Variants in NLRP4 observed in about 807,000 individuals in gnomAD.
NLRP4 encodes NACHT, LRR and PYD domains-containing protein 4.
NLRP4 carries 44 observed loss-of-function variants against 84.7 expected under a neutral mutation model. That is an observed-to-expected ratio of 0.52 (90% CI 0.41 to 0.67). NLRP4 has a LOEUF of 0.67. NLRP4 is among the 30% of genes least tolerant of loss of function. NLRP4 has a pLI of 0.00. For missense variants in NLRP4, 1,260 were observed against 1,219.4 expected (o/e 1.03, Z -0.50); for synonymous variants, 544 against 476.4 (o/e 1.14, Z -1.85).
chr19:55,854,780 A>C (rs1280299940), intron 2 of NLRP4, among the ~76,000 whole-genome samples: 2 of 152,030 alleles, frequency 1.3e-5, no homozygotes, highest in Admixed American at 6.6e-5. Context: ...GTAAAGTAGC[A>C]TGATTTTGGC....
intron 1 of NLRP4, among the ~76,000 whole-genome samples, chr19:55,847,154 A>AGGG (rs148650884): frequency 1.4e-5 from 2 of 147,060 alleles, no homozygotes; most frequent in Non-Finnish European, 2.9e-5. Flanking sequence ...ATTTTATTTG[A>AGGG]GGGGGGGGCA....
intron 1 of NLRP4, among the ~76,000 whole-genome samples, chr19:55,841,890 C>T (rs1442687673): frequency 6.6e-6 from 1 of 152,048 alleles, no homozygotes; most frequent in African/African-American, 2.4e-5. Flanking sequence ...CTGCAATAGA[C>T]ATGGAAGTAA....
intron 9 of NLRP4, among the ~76,000 whole-genome samples, chr19:55,879,972 T>A (rs1306772382): frequency 6.6e-6 from 1 of 151,934 alleles, no homozygotes. Context: ...ATATTTATAA[T>A]TACATATAAT....
At chr19:55,861,238 C>T (rs749055437) in intron 3 of NLRP4, 148 bp from the exon 4 acceptor site, 1 of 645,688 alleles carries the variant, frequency 1.5e-6, no homozygotes, top group Non-Finnish European at 2.6e-6. Flanking sequence ...CATAAGGTGA[C>T]TTACCTGAAG....
At position 55,877,131 on chromosome 19, in the gene NLRP4, T is replaced by G. The variant is rs1426271612; in HGVS notation, c.2661T>G (p.Ala887=). 1 of 1,614,118 alleles carries G rather than the reference T, an allele frequency of 6.2e-7. No homozygotes were observed. The change falls in exon 8 of 10, where the codon GCT becomes GCG. Residue 887 remains alanine, a synonymous_variant. Transcript: ENST00000301295. ...TGGGTGTGCAGCTGTTGTGTCGGGC[T>G]CTGACGCATACGGATTGCCGCTTAG... ...GDVGVQLLCR[A]LTHTDCRLEI...
intron 2 of NLRP4, among the ~76,000 whole-genome samples, chr19:55,857,209 G>C (rs1468306466): frequency 6.6e-6 from 1 of 152,108 alleles, no homozygotes. Flanking sequence ...GAATACCTGT[G>C]TATGTGTCTA....
chr19:55,840,615 G>T (rs1053350457), intron 1 of NLRP4, among the ~76,000 whole-genome samples: 6 of 152,114 alleles, frequency 3.9e-5, no homozygotes, highest in African/African-American at 1.4e-4. Context: ...AGCCAGGCTG[G>T]TCTAGATCTC....
intron 1 of NLRP4, among the ~76,000 whole-genome samples, chr19:55,842,755 CTTTTTATTTTA>C (rs1319837108): frequency 1.3e-5 from 2 of 151,068 alleles, no homozygotes; most frequent in Admixed American, 6.6e-5. Flanking sequence ...ACTTTTATTT[CTTTTTATTTTA>C]TTTTTATTTT....
At chr19:55,851,804 T>C (rs896257444) in intron 1 of NLRP4, among the ~76,000 whole-genome samples, 2 of 152,190 alleles carry the variant, frequency 1.3e-5, no homozygotes, top group South Asian at 2.1e-4. Flanking sequence ...CAGGTGACTA[T>C]AGGATTCTTG....
intron 7 of NLRP4, among the ~76,000 whole-genome samples, chr19:55,873,783 T>C (rs1367628956): frequency 6.6e-6 from 1 of 152,190 alleles, no homozygotes; most frequent in African/African-American, 2.4e-5. Context: ...TCCTACTCAG[T>C]TGAACTTTAA....
intron 1 of NLRP4, among the ~76,000 whole-genome samples, chr19:55,846,624 A>C (rs1349537989): frequency 6.6e-6 from 1 of 152,064 alleles, no homozygotes; most frequent in Non-Finnish European, 1.5e-5. Flanking sequence ...ATCACTAACT[A>C]TTTGCCCAAA....
At chr19:55,867,593 GCAGTGAGCCTCTCAAGGA>G (rs879107703) in intron 5 of NLRP4, 98 bp from the exon 6 acceptor site, 3 of 844,268 alleles carry the variant, frequency 3.6e-6, no homozygotes, top group South Asian at 1.6e-5. Flanking sequence ...GGGTTGGGAG[GCAGTGAGCCTCTCAAGGA>G]CAGCAAATGT....
intron 1 of NLRP4, among the ~76,000 whole-genome samples, chr19:55,841,188 T>C (rs1983601013): frequency 2.0e-5 from 3 of 152,218 alleles, no homozygotes; most frequent in Non-Finnish European, 4.4e-5. Context: ...CACACTGTTA[T>C]TTGCTTTAGT....
chr19:55,838,035 C>CCAAAAAAAAAAAAAAAAAAAAGGAA (rs59078329), intron 1 of NLRP4, among the ~76,000 whole-genome samples: 4 of 132,652 alleles, frequency 3.0e-5, no homozygotes, highest in African/African-American at 1.2e-4. Flanking sequence ...GACTCGGTCT[C>CCAAAAAAAAAAAAAAAAAAAAGGAA]AAGCTGGATG....
intron 7 of NLRP4, among the ~76,000 whole-genome samples, chr19:55,873,057 C>T (rs1279720984): frequency 1.3e-5 from 2 of 151,986 alleles, no homozygotes; most frequent in Admixed American, 6.6e-5. Context: ...TCTATAGCCA[C>T]CAAAAACTAT....
At chr19:55,879,895 G>A (rs1985521557) in intron 9 of NLRP4, among the ~76,000 whole-genome samples, 2 of 148,676 alleles carry the variant, frequency 1.3e-5, no homozygotes, top group South Asian at 4.3e-4. Flanking sequence ...CAAGTTATAT[G>A]TATATTCATA....
rs1479229931 is a variant in NLRP4, at chr19:55,858,479, C to T, written c.1086C>T (p.Ala362=). 1 of 1,614,066 alleles carries T rather than the reference C, an allele frequency of 6.2e-7. No homozygotes were observed. Among genetic ancestry groups the T allele is most frequent in the Non-Finnish European group, 8.5e-7 (1 of 1,180,028 alleles). ...KQEMQKGKDL[A]LTCQSTTSVY... is the part of the protein sequence containing the mutation. ...AGATGCAGAAAGGAAAAGACCTGGC[C>T]CTGACCTGCCAGAGCACTACCTCTG... Residue 362 remains alanine, a synonymous_variant, in exon 3 of 10, where the codon GCC becomes GCT. Coordinates refer to ENST00000301295, the MANE Select transcript of NLRP4 (RefSeq NM_134444.5). This position sits in a 1 kb window ranked among gnomAD's most constrained non-coding sequence, Gnocchi z 4.2.
At position 55,858,437 on chromosome 19, in the gene NLRP4, TA is replaced by T; in HGVS notation, c.1045del (p.Thr349ProfsTer3). ...TCCCGCTCCTCTGCTGGATCCTGTG[TA>T]CCAGTCTGAAGCAAGAGATGCAGAA... ...QIPLLCWILCTSLKQEMQKGK... is the reference protein window; with the variant it reads ...QIPLLCWILCXSLKQEMQKGK... On this transcript the variant is annotated frameshift_variant, in exon 3 of 10. Transcript: ENST00000301295. LOFTEE classifies it high-confidence loss of function. This position sits in a 1 kb window ranked among gnomAD's most constrained non-coding sequence, Gnocchi z 4.2. 6.2e-7 allele frequency: 1 copy of T among 1,614,164 alleles called. No individual in the cohort carries two copies. The highest frequency in any genetic ancestry group is 8.5e-7 in the Non-Finnish European group (1 of 1,180,032).
rs112836111 is a variant in NLRP4 at position 55,870,454 on chromosome 19, G to A, written c.2355-373G>A. On this transcript the variant is annotated intron_variant, in intron 6 of 9. Transcript: ENST00000301295. ...GAGGTGGGCAGATCACCTGAGGTCC[G>A]GAGTTCGAGACTAGCCTGGCTAACA... is the stretch of plus-strand genomic sequence containing the variant. 6.5e-3 allele frequency among the ~76,000 whole-genome samples: 996 copies of A among 152,260 alleles called. 14 individuals are homozygous for A. Among genetic ancestry groups the A allele is most frequent in the African/African-American group, 0.021 (879 of 41,546 alleles).
Sources: allele counts gnomAD v4.1 joint callset (sites outside exome capture counted in the v4.1 genomes callset), GRCh38; gene constraint gnomAD v4.1.1; non-coding constraint Gnocchi (gnomAD v3.1); transcripts MANE v1.5; gene names NCBI Gene and HGNC (gene_info 2026-07-23, HGNC 2026-07-21).